CDH20: variants seen among roughly 807,000 people sequenced by gnomAD.
CDH20 encodes cadherin-20.
In CDH20, 29 loss-of-function variants were observed where a neutral mutation model predicts 74.2. The ratio of observed to expected loss-of-function variants is 0.39; its 90% confidence interval spans 0.29 to 0.53. CDH20 has a LOEUF of 0.53. Ranked by LOEUF, CDH20 falls within the 20% of genes least tolerant of loss-of-function variation. CDH20 has a pLI of 0.69. For missense variants in CDH20, 988 were observed against 1,048.3 expected (o/e 0.94, Z 0.79); for synonymous variants, 469 against 405.4 (o/e 1.16, Z -1.88).
intron 1 of CDH20, among the ~76,000 whole-genome samples, chr18:61,387,827 AT>A (rs1366972238): frequency 2.6e-5 from 4 of 152,302 alleles, no homozygotes; most frequent in African/African-American, 9.6e-5. Flanking sequence ...TGGAGGAAAC[AT>A]TAGATGAATT....
chr18:61,517,651 A>T (rs1183435608), intron 6 of CDH20, among the ~76,000 whole-genome samples: 1 of 152,084 alleles, frequency 6.6e-6, no homozygotes. Context: ...CAAGCATAAA[A>T]CTGGGCAGCT....
At chr18:61,528,323 A>G (rs575553884) in intron 7 of CDH20, 103 bp downstream of exon 7, 4 of 1,139,762 alleles carry the variant, frequency 3.5e-6, no homozygotes, top group African/African-American at 1.6e-5. Flanking sequence ...TCTCTATCCC[A>G]TTTCTGGAGA....
intron 1 of CDH20, among the ~76,000 whole-genome samples, chr18:61,414,889 T>C (rs564496807): frequency 5.9e-5 from 9 of 152,174 alleles, no homozygotes; most frequent in African/African-American, 2.2e-4. Context: ...ATTAAGTACA[T>C]TTTTATTGTT....
chr18:61,495,483 G>A (rs1419774885), intron 2 of CDH20, among the ~76,000 whole-genome samples: 3 of 152,176 alleles, frequency 2.0e-5, no homozygotes, highest in Admixed American at 2.0e-4. Flanking sequence ...GGTAGGTTCT[G>A]CCTGCCGGTA....
chr18:61,404,962 C>T, intron 1 of CDH20: 1 of 711,126 alleles, frequency 1.4e-6, no homozygotes, highest in Non-Finnish European at 2.6e-6. Context: ...CATGCTGCGC[C>T]CAGTTCAATA....
chr18:61,342,517 T>C (rs367933445), intron 1 of CDH20, among the ~76,000 whole-genome samples: 1 of 152,210 alleles, frequency 6.6e-6, no homozygotes, highest in South Asian at 2.1e-4. Context: ...CTATCACTAC[T>C]GACATTTTGC....
At chr18:61,491,117 G>A (rs574349849) in intron 2 of CDH20, among the ~76,000 whole-genome samples, 16 of 152,296 alleles carry the variant, frequency 1.1e-4, no homozygotes, top group African/African-American at 3.9e-4. Context: ...GACAGAATGG[G>A]TGAGAGGGAA....
chr18:61,451,338 A>G (rs1434271783), intron 1 of CDH20, among the ~76,000 whole-genome samples: 4 of 152,098 alleles, frequency 2.6e-5, no homozygotes, highest in Non-Finnish European at 5.9e-5. Flanking sequence ...AAAAAAACAA[A>G]GGTAATAAAT....
At chr18:61,467,812 G>C (rs187185763) in intron 1 of CDH20, among the ~76,000 whole-genome samples, 18 of 152,258 alleles carry the variant, frequency 1.2e-4, no homozygotes, top group Admixed American at 1.1e-3. Flanking sequence ...AAAAAACACA[G>C]AAGTAGAATC....
intron 1 of CDH20, among the ~76,000 whole-genome samples, chr18:61,419,027 A>T (rs1399890155): frequency 1.3e-5 from 2 of 152,100 alleles, no homozygotes; most frequent in Non-Finnish European, 1.5e-5. Flanking sequence ...ATGGTATTCC[A>T]TAGCTATGAT....
rs189733141 is a variant in CDH20 at position 61,443,538 on chromosome 18, G to A, written c.-152-46864G>A. ...GATGTACAGTCTATGCTCCAGAGCC[G>A]TGCTACTCAGAGTGTGGCCCTCGGA... On this transcript the variant is annotated intron_variant, in intron 1 of 11. Transcript: ENST00000262717. Among the ~76,000 whole-genome samples the A allele has an allele frequency of 1.1e-3, 165 of 152,240 alleles. 1 individual carries two copies. The Middle Eastern group carries it at 0.02, about 19-fold the overall frequency.
intron 6 of CDH20, among the ~76,000 whole-genome samples, chr18:61,520,535 T>C (rs1197777085): frequency 2.7e-5 from 4 of 150,568 alleles, no homozygotes; most frequent in Non-Finnish European, 5.9e-5. Context: ...ATCAATGAGA[T>C]AGAAAATTAA....
At chr18:61,424,628 A>C (rs1191280654) in intron 1 of CDH20, among the ~76,000 whole-genome samples, 34 of 152,244 alleles carry the variant, frequency 2.2e-4, no homozygotes, top group Non-Finnish European at 7.3e-5. Context: ...GCATTGATTT[A>C]GAATTAGCCA....
In CDH20 at chr18:61,353,665, C is replaced by T. The variant is rs897633367; in HGVS notation, c.-153+19838C>T. Among the ~76,000 whole-genome samples the T allele has an allele frequency of 2.2e-4, 33 of 152,302 alleles. No homozygotes were observed. Among genetic ancestry groups the T allele is most frequent in the African/African-American group, 7.7e-4 (32 of 41,570 alleles). ...AACGGACCACCACCTATCAAATGCC[C>T]TTCGACCAACTCCAAACCCACTGAG... On this transcript the variant is annotated intron_variant, in intron 1 of 11. Transcript: ENST00000262717. The surrounding 1 kb of genome is among the most constrained non-coding windows in gnomAD (Gnocchi z 4.6).
chr18:61,334,119 A>G (rs1307508915), intron 1 of CDH20, among the ~76,000 whole-genome samples: 33 of 151,912 alleles, frequency 2.2e-4, no homozygotes, highest in Non-Finnish European at 4.4e-5. Flanking sequence ...GCGCGCTGGG[A>G]GCGGGGACTG....
At chr18:61,433,522 A>C (rs1472826645) in intron 1 of CDH20, among the ~76,000 whole-genome samples, 2 of 152,166 alleles carry the variant, frequency 1.3e-5, no homozygotes, top group Non-Finnish European at 2.9e-5. Context: ...TCACACGTGA[A>C]AATGTGTGGG....
intron 1 of CDH20, among the ~76,000 whole-genome samples, chr18:61,354,042 AAAAAAAAAAAAAG>A (rs1257521475): frequency 4.0e-4 from 1 of 2,470 alleles, no homozygotes; most frequent in African/African-American, 7.8e-4. Flanking sequence ...AGACCCTGTC[AAAAAAAAAAAAAG>A]AAAAAGAAAA....
At chr18:61,534,362 A>C (rs1912750987) in intron 7 of CDH20, among the ~76,000 whole-genome samples, 1 of 152,250 alleles carries the variant, frequency 6.6e-6, no homozygotes, top group South Asian at 2.1e-4. Flanking sequence ...CATATGATCC[A>C]ACAATCCCAT....
At chr18:61,539,482 C>T (rs1189795398) in intron 9 of CDH20, among the ~76,000 whole-genome samples, 1 of 152,112 alleles carries the variant, frequency 6.6e-6, no homozygotes, top group East Asian at 1.9e-4. Flanking sequence ...ACCTACATTA[C>T]CTTTTATGGC....
Sources: gnomAD v4.1 joint callset for allele counts (sites outside exome capture counted in the v4.1 genomes callset) on GRCh38, gnomAD v4.1.1 for gene constraint, Gnocchi (gnomAD v3.1) non-coding constraint, MANE v1.5 for transcripts, NCBI Gene and HGNC (gene_info 2026-07-23, HGNC 2026-07-21) for gene names.